Variants in SRGAP1 observed in about 807,000 individuals in gnomAD.
SRGAP1 encodes the protein SLIT-ROBO Rho GTPase-activating protein 1.
A neutral mutation model predicts 121.9 loss-of-function variants in SRGAP1; 43 were observed. That is an observed-to-expected ratio of 0.35 (90% CI 0.28 to 0.46). SRGAP1 has a LOEUF of 0.46. Among genes scored for constraint, SRGAP1 ranks in the 20% least tolerant of loss-of-function variants. The pLI, the probability that SRGAP1 is intolerant of heterozygous loss-of-function variation, is 1.00. For synonymous variants in SRGAP1, 447 were observed against 485.4 expected, an observed-to-expected ratio of 0.92 and a Z score of 1.04; for missense variants, 1,102 against 1,350.9, an observed-to-expected ratio of 0.82 and a Z score of 2.89.
At chr12:63,987,971 G>A (rs1049026785) in intron 2 of SRGAP1, among the ~76,000 whole-genome samples, 3 of 152,118 alleles carry the variant, frequency 2.0e-5, no homozygotes, top group African/African-American at 7.2e-5. Flanking sequence ...AGTAACTGAG[G>A]CACAGAGCAG....
At chr12:64,024,395 C>T (rs1014184444) in intron 4 of SRGAP1, among the ~76,000 whole-genome samples, 7 of 152,176 alleles carry the variant, frequency 4.6e-5, no homozygotes, top group East Asian at 1.9e-4. Context: ...TGCGCTACTG[C>T]GCTCCAGCCT....
chr12:63,932,206 G>A (rs910888763), intron 1 of SRGAP1, among the ~76,000 whole-genome samples: 1 of 152,226 alleles, frequency 6.6e-6, no homozygotes, highest in Admixed American at 6.5e-5. Flanking sequence ...CCGTGAACCC[G>A]GGAGGCAGAG....
In SRGAP1 at chr12:64,007,206, C is replaced by A. The variant is rs549730674; in HGVS notation, c.427-9744C>A. 2.0e-3 allele frequency among the ~76,000 whole-genome samples: 301 copies of A among 152,252 alleles called. 4 individuals carry two copies. The highest frequency in any genetic ancestry group is 6.8e-3 in the African/African-American group (284 of 41,528). ...GAGAATTTGCTCTGATTTCTGTAAA[C>A]TGTGTCATATAAGGCAGTGGTCCCC... On this transcript the variant is annotated intron_variant, in intron 3 of 21. Coordinates refer to ENST00000355086, the MANE Select transcript of SRGAP1 (RefSeq NM_020762.4).
chr12:63,959,616 T>C (rs2032578686), intron 1 of SRGAP1, among the ~76,000 whole-genome samples: 1 of 152,212 alleles, frequency 6.6e-6, no homozygotes, highest in Non-Finnish European at 1.5e-5. Context: ...GGAGCCTTAG[T>C]AGATTTATTA....
chr12:63,894,000 G>A (rs902018054), intron 1 of SRGAP1, among the ~76,000 whole-genome samples: 22 of 152,076 alleles, frequency 1.4e-4, no homozygotes, highest in African/African-American at 4.1e-4. Flanking sequence ...CACCACACCC[G>A]GCTAATTTTT....
chr12:63,862,886 A>G (rs1225780680), intron 1 of SRGAP1, among the ~76,000 whole-genome samples: 2 of 152,202 alleles, frequency 1.3e-5, no homozygotes, highest in Non-Finnish European at 2.9e-5. Flanking sequence ...TCCAGAACTC[A>G]GTGAATGAGA....
At position 63,995,052 on chromosome 12, in the gene SRGAP1, G is replaced by A. The variant is rs116384318; in HGVS notation, c.426+4980G>A. ...GGTGTTATTTACCAATTTTAAGAAC[G>A]TTAATAGAAGTATGTAGTTTGGAGG... On this transcript the variant is annotated intron_variant, in intron 3 of 21. Transcript: ENST00000355086. Among the ~76,000 whole-genome samples the A allele has an allele frequency of 4.9e-3, 753 of 152,270 alleles. 3 individuals carry two copies. The highest frequency in any genetic ancestry group is 0.018 in the African/African-American group (728 of 41,538).
chr12:63,960,793 G>GA (rs2032615692), intron 1 of SRGAP1, among the ~76,000 whole-genome samples: 1 of 152,182 alleles, frequency 6.6e-6, no homozygotes, highest in Non-Finnish European at 1.5e-5. Context: ...ATGTGACATT[G>GA]AAGCAGAGAT....
intron 7 of SRGAP1, among the ~76,000 whole-genome samples, chr12:64,063,939 A>G (rs948989355): frequency 1.3e-5 from 2 of 151,446 alleles, no homozygotes; most frequent in African/African-American, 2.4e-5. Flanking sequence ...ATGTTTTTAT[A>G]TATATTTTAT....
At chr12:63,998,474 T>G (rs1442364774) in intron 3 of SRGAP1, among the ~76,000 whole-genome samples, 2 of 152,176 alleles carry the variant, frequency 1.3e-5, no homozygotes, top group African/African-American at 4.8e-5. Context: ...GCATCTTCTC[T>G]GTTCTATCAC....
rs952829196 is a variant in SRGAP1 at position 64,160,499 on chromosome 12, T to G, written c.*17827T>G. ...TGACCCAGCCCTAGATTTACTTGGC[T>G]TTAGTTTCCATCACCATAGATTTCT... On this transcript the variant is annotated 3_prime_UTR_variant, in exon 22 of 22. Transcript: ENST00000355086. 1 of 152,198 alleles carries G rather than the reference T, an allele frequency of 6.6e-6. No homozygotes were observed. The highest frequency in any genetic ancestry group is 2.4e-5 in the African/African-American group (1 of 41,442). The allele number at this position is 152,198 out of a possible 1,614,324, so 9.4% of individuals were successfully genotyped here.
chr12:63,913,404 A>G (rs1592940562), intron 1 of SRGAP1, among the ~76,000 whole-genome samples: 1 of 140,182 alleles, frequency 7.1e-6, no homozygotes, highest in Admixed American at 7.2e-5. Flanking sequence ...CGATCCTCCC[A>G]CCTTGGCCTC....
At chr12:64,117,257 GTTTA>G (rs1333405882) in intron 18 of SRGAP1, among the ~76,000 whole-genome samples, 2 of 152,120 alleles carry the variant, frequency 1.3e-5, no homozygotes, top group African/African-American at 4.8e-5. Context: ...TTGATAATGT[GTTTA>G]TTTATCTTTT....
In SRGAP1 at chr12:64,092,634, T is replaced by A. The variant is rs535567390; in HGVS notation, c.1539+1256T>A. On this transcript the variant is annotated intron_variant, in intron 12 of 21. Coordinates refer to ENST00000355086, the MANE Select transcript of SRGAP1 (RefSeq NM_020762.4). ...TTAAGCCTTAAATCCAGAAGAACCT[T>A]ATTGGCTCTAATTTAATATAAAATT... Among the ~76,000 whole-genome samples the A allele has an allele frequency of 6.6e-4, 101 of 152,266 alleles. No individual in the cohort carries two copies. The South Asian group carries it at 0.019, about 29-fold the overall frequency.
intron 6 of SRGAP1, among the ~76,000 whole-genome samples, chr12:64,061,854 G>A (rs574294651): frequency 1.3e-5 from 2 of 152,170 alleles, no homozygotes; most frequent in Middle Eastern, 3.4e-3. Context: ...CCATGTTATG[G>A]CATGTATCAG....
intron 18 of SRGAP1, among the ~76,000 whole-genome samples, chr12:64,123,651 TATTTA>T (rs1342521186): frequency 7.4e-6 from 1 of 135,074 alleles, no homozygotes; most frequent in Admixed American, 7.1e-5. Context: ...AGGATTTATT[TATTTA>T]TTTATTTATT....
chr12:63,907,626 A>C (rs1465323188), intron 1 of SRGAP1, among the ~76,000 whole-genome samples: 2 of 151,054 alleles, frequency 1.3e-5, no homozygotes, highest in African/African-American at 4.9e-5. Flanking sequence ...CTAGATATAA[A>C]CTCCTTGTCA....
intron 4 of SRGAP1, among the ~76,000 whole-genome samples, chr12:64,036,151 T>G (rs1222182635): frequency 6.6e-6 from 1 of 152,176 alleles, no homozygotes; most frequent in Admixed American, 6.5e-5. Flanking sequence ...ACACGTGTCC[T>G]GAGTGCTCTT....
intron 1 of SRGAP1, among the ~76,000 whole-genome samples, chr12:63,923,595 A>G (rs928420290): frequency 7.9e-5 from 12 of 152,208 alleles, no homozygotes; most frequent in Non-Finnish European, 8.8e-5. Context: ...CCGAATGCCC[A>G]TTTTAAGATT....
Sources: allele counts gnomAD v4.1 joint callset (sites outside exome capture counted in the v4.1 genomes callset), GRCh38; gene constraint gnomAD v4.1.1; transcripts MANE v1.5; gene names NCBI Gene and HGNC (gene_info 2026-07-23, HGNC 2026-07-21).